TLL2: variants seen among roughly 807,000 people sequenced by gnomAD.
TLL2 encodes the protein tolloid like 2, also known as tolloid-like protein 2.
A neutral mutation model predicts 123.0 loss-of-function variants in TLL2; 106 were observed. That is an observed-to-expected ratio of 0.86 (90% CI 0.74 to 1.01). TLL2 has a LOEUF of 1.01. Among genes scored for constraint, TLL2 ranks in the 50% least tolerant of loss-of-function variants. The pLI, the probability that TLL2 is intolerant of heterozygous loss-of-function variation, is 0.00. For missense variants in TLL2, 1,332 were observed against 1,336.7 expected, an observed-to-expected ratio of 1.00 and a Z score of 0.06; for synonymous variants, 494 against 516.8, an observed-to-expected ratio of 0.96 and a Z score of 0.60.
chr10:96,365,869 A>AT lies in TLL2; in HGVS notation c.*2218dup, dbSNP rs1246297569. 3 of 152,232 alleles carry AT rather than the reference A, an allele frequency of 2.0e-5. No homozygotes were observed. The highest frequency in any genetic ancestry group is 2.9e-5 in the Non-Finnish European group (2 of 68,040). 9.4% of individuals were successfully genotyped at this position (152,232 alleles called of 1,614,324 possible). The stretch of plus-strand genomic sequence containing the variant: ...AGTCCCATTGTTGCAAATTGGCCAT[A>AT]TGGTGACAATTGTTGAAGCTGTGTG... On this transcript the variant is annotated 3_prime_UTR_variant, in exon 21 of 21. Transcript: ENST00000357947.
Position 96,475,167 on chromosome 10 carries a change from C to T in TLL2, c.286+5182G>A, listed in dbSNP as rs150492462. On this transcript the variant is annotated intron_variant, in intron 2 of 20. Coordinates refer to ENST00000357947, the MANE Select transcript of TLL2 (RefSeq NM_012465.4). ...CCAGAAAGATAAGCTAGAAGCAGAA[C>T]GGAGTAAGAGAGACTAGAGGCAGGA... Among the ~76,000 whole-genome samples, 842 of 152,284 alleles carry T rather than the reference C, an allele frequency of 5.5e-3. 8 individuals carry two copies. The highest frequency in any genetic ancestry group is 0.025 in the East Asian group (128 of 5,182).
chr10:96,470,960 T>C (rs1847175420), intron 2 of TLL2, among the ~76,000 whole-genome samples: 1 of 152,198 alleles, frequency 6.6e-6, no homozygotes, highest in African/African-American at 2.4e-5. Flanking sequence ...TGGCCAACTT[T>C]GTGATGACCC....
At chr10:96,505,437 T>G (rs1043387185) in intron 1 of TLL2, among the ~76,000 whole-genome samples, 11 of 152,354 alleles carry the variant, frequency 7.2e-5, no homozygotes, top group Non-Finnish European at 1.5e-4. Flanking sequence ...CTTGCTGGAT[T>G]TCTGTGGGAT....
intron 16 of TLL2, among the ~76,000 whole-genome samples, chr10:96,382,192 G>A (rs780599504): frequency 2.0e-5 from 3 of 152,180 alleles, no homozygotes; most frequent in Non-Finnish European, 2.9e-5. Context: ...AGCGCGCCCA[G>A]CTTATTTTTT....
chr10:96,505,018 AAAATAAAT>A (rs149562540), intron 1 of TLL2, among the ~76,000 whole-genome samples: 12 of 151,734 alleles, frequency 7.9e-5, no homozygotes, highest in Middle Eastern at 3.4e-3. Flanking sequence ...AAAAAAATAA[AAAATAAAT>A]AAATAAATAA....
intron 13 of TLL2, among the ~76,000 whole-genome samples, chr10:96,392,496 T>A (rs1846299037): frequency 6.6e-6 from 1 of 152,138 alleles, no homozygotes; most frequent in South Asian, 2.1e-4. Context: ...TCTCCAGCTT[T>A]AGCTGGTACT....
chr10:96,464,496 T>C (rs1486560308), intron 2 of TLL2, among the ~76,000 whole-genome samples: 1 of 152,038 alleles, frequency 6.6e-6, no homozygotes, highest in Non-Finnish European at 1.5e-5. Context: ...CACCCTAGAA[T>C]GTTGGCCTTG....
At chr10:96,497,796 T>C (rs1847492120) in intron 1 of TLL2, among the ~76,000 whole-genome samples, 1 of 152,226 alleles carries the variant, frequency 6.6e-6, no homozygotes, top group African/African-American at 2.4e-5. Flanking sequence ...TGTTTCCTGC[T>C]GGGACTCTGA....
rs142073814 is a variant in TLL2 at position 96,395,999 on chromosome 10, T to C, written c.1406A>G (p.Asn469Ser). Residue 469 changes from asparagine (N) to serine (S), a missense_variant, in exon 12 of 21, where the codon AAC becomes AGC. Asn to Ser is a conservative substitution (Grantham distance 46). Coordinates refer to ENST00000357947, the MANE Select transcript of TLL2 (RefSeq NM_012465.4). ...AYEATCGGDM[N>S]KDAGQIQSPN... ...AGATTGAATCTGACCGGCATCTTTG[T>C]TCATGTCTCCCCCGCAGGTAGCTTT... 9.5e-5 allele frequency: 154 copies of C among 1,614,062 alleles called. No homozygotes were observed. Among genetic ancestry groups the C allele is most frequent in the Middle Eastern group, 1.6e-4 (1 of 6,084 alleles).
intron 2 of TLL2, among the ~76,000 whole-genome samples, chr10:96,461,278 G>T (rs969837660): frequency 6.6e-6 from 1 of 152,166 alleles, no homozygotes; most frequent in African/African-American, 2.4e-5. Flanking sequence ...CAATACATAA[G>T]AATTCACATA....
chr10:96,391,059 T>G (rs902860491), intron 13 of TLL2, among the ~76,000 whole-genome samples: 2 of 152,248 alleles, frequency 1.3e-5, no homozygotes, highest in Non-Finnish European at 2.9e-5. Context: ...ATGTGGCTTC[T>G]GGTTGTGCCT....
intron 7 of TLL2, among the ~76,000 whole-genome samples, chr10:96,416,794 G>GTGACTA (rs1332747553): frequency 1.3e-5 from 2 of 152,186 alleles, no homozygotes; most frequent in Non-Finnish European, 2.9e-5. Context: ...AACCACAGCG[G>GTGACTA]TGACGTTCCT....
intron 2 of TLL2, among the ~76,000 whole-genome samples, chr10:96,456,402 G>C (rs1371963285): frequency 6.6e-6 from 1 of 152,178 alleles, no homozygotes; most frequent in Non-Finnish European, 1.5e-5. Flanking sequence ...AGGAAGAGGA[G>C]AAGAGAGGAG....
intron 1 of TLL2, among the ~76,000 whole-genome samples, chr10:96,495,666 G>T (rs1169356119): frequency 6.6e-6 from 1 of 152,090 alleles, no homozygotes; most frequent in Non-Finnish European, 1.5e-5. Flanking sequence ...CTGCATTCAG[G>T]CGCGTTTGCA....
In TLL2 at chr10:96,368,044, A is replaced by C. The variant is rs1187105767; in HGVS notation, c.*44T>G. The C allele has an allele frequency of 2.2e-5, 36 of 1,609,524 alleles. No individual in the cohort carries two copies. Among genetic ancestry groups the C allele is most frequent in the Non-Finnish European group, 2.8e-5 (33 of 1,177,348 alleles). On this transcript the variant is annotated 3_prime_UTR_variant, in exon 21 of 21. Coordinates refer to ENST00000357947, the MANE Select transcript of TLL2 (RefSeq NM_012465.4). ...TGCTATTGTTGTTAAAAACAAAACA[A>C]AACAAAAAAAATTCTCAGTTTCTGT...
chr10:96,416,793 G>A (rs72829546), intron 7 of TLL2, among the ~76,000 whole-genome samples: 1,700 of 152,286 alleles, frequency 0.011, 31 homozygotes, highest in Middle Eastern at 0.054. Flanking sequence ...AAACCACAGC[G>A]GTGACGTTCC....
At chr10:96,390,190 C>T (rs10748678) in intron 13 of TLL2, among the ~76,000 whole-genome samples, 149,252 of 152,364 alleles carry the variant, frequency 0.98, 73,169 homozygotes, top group East Asian at 1. Context: ...GATGATGAGA[C>T]GGCTCAGGCA....
intron 13 of TLL2, among the ~76,000 whole-genome samples, chr10:96,393,936 A>G (rs962915923): frequency 3.9e-5 from 6 of 152,104 alleles, no homozygotes; most frequent in Non-Finnish European, 8.8e-5. Context: ...TTGGGGCTTC[A>G]CAACAATTGC....
intron 9 of TLL2, among the ~76,000 whole-genome samples, chr10:96,408,538 A>ATTGCTCTTCT (rs1846471550): frequency 6.6e-6 from 1 of 152,112 alleles, no homozygotes; most frequent in African/African-American, 2.4e-5. Flanking sequence ...ATAATTTAGA[A>ATTGCTCTTCT]ATTACCAGAC....
Sources: allele counts gnomAD v4.1 joint callset (sites outside exome capture counted in the v4.1 genomes callset), GRCh38; gene constraint gnomAD v4.1.1; transcripts MANE v1.5; gene names NCBI Gene and HGNC (gene_info 2026-07-23, HGNC 2026-07-21).